NXN: variants seen among roughly 807,000 people sequenced by gnomAD.
NXN encodes nucleoredoxin 1.
A neutral mutation model predicts 48.6 loss-of-function variants in NXN; 16 were observed. That is an observed-to-expected ratio of 0.33 (90% confidence interval 0.22 to 0.50). NXN has a LOEUF of 0.50. Ranked by LOEUF, NXN falls within the 20% of genes least tolerant of loss-of-function variation. The pLI is 0.98. For missense variants in NXN, 492 were observed against 605.5 expected, an observed-to-expected ratio of 0.81 and a Z score of 1.97; for synonymous variants, 281 against 269.6, an observed-to-expected ratio of 1.04 and a Z score of -0.41.
intron 1 of NXN, among the ~76,000 whole-genome samples, chr17:977,199 G>A (rs1199781754): frequency 2.0e-5 from 3 of 152,104 alleles, no homozygotes; most frequent in Non-Finnish European, 4.4e-5. Flanking sequence ...CACGACCAAG[G>A]AAAGAAACTA....
chr17:926,537 TTTTTTTTG>T (rs1370642151), intron 1 of NXN, among the ~76,000 whole-genome samples: 1 of 99,346 alleles, frequency 1.0e-5, no homozygotes, highest in African/African-American at 2.9e-5. Context: ...GTTTTTTGTT[TTTTTTTTG>T]TTTTTTTGTT....
intron 1 of NXN, among the ~76,000 whole-genome samples, chr17:870,797 T>C (rs1253420973): frequency 6.6e-6 from 1 of 151,942 alleles, no homozygotes; most frequent in Non-Finnish European, 1.5e-5. Context: ...ACCCAGTCTT[T>C]CTTTCTGAGC....
rs571009987 is a variant in NXN at position 932,416 on chromosome 17, G to A, written c.360+46903C>T. On this transcript the variant is annotated intron_variant, in intron 1 of 7. Coordinates refer to ENST00000336868, the MANE Select transcript of NXN (RefSeq NM_022463.5). This position sits in a 1 kb window ranked among gnomAD's most constrained non-coding sequence, Gnocchi z 4.1. ...ACTCTGGGATGGGGCCCAGGAATCC[G>A]CATTTAACCAGTCCTTCTGGTTATT... is the stretch of plus-strand genomic sequence containing the variant. Among the ~76,000 whole-genome samples, 17 of 152,102 alleles carry A rather than the reference G, an allele frequency of 1.1e-4. No individual in the cohort carries two copies. In the East Asian group the frequency reaches 2.8e-3, roughly 25 times the overall value.
rs1912693843 is a variant in NXN, at chr17:819,487, T to C, written c.772A>G (p.Thr258Ala). ...SEMPWLAVPY[T>A]DEARRSRLNR... ...AGGCGCGACCGCCGGGCCTCATCCG[T>C]GTAGGGGACGGCGAGCCAGGGCATC... Residue 258 changes from threonine (T) to alanine (A), a missense_variant, in exon 5 of 8, where the codon ACG becomes GCG. By Grantham distance (58) the Thr-to-Ala change is moderately conservative. Around this residue, in one of 3 missense-constraint regions of NXN, gnomAD observed 303 missense variants for 388.3 expected, o/e 0.78. Coordinates refer to ENST00000336868, the MANE Select transcript of NXN (RefSeq NM_022463.5). 5 of 1,613,530 alleles carry C rather than the reference T, an allele frequency of 3.1e-6. No homozygotes were observed. The highest frequency in any genetic ancestry group is 4.2e-6 in the Non-Finnish European group (5 of 1,179,824).
chr17:851,455 A>C (rs943263083), intron 1 of NXN, among the ~76,000 whole-genome samples: 12 of 152,260 alleles, frequency 7.9e-5, no homozygotes, highest in African/African-American at 2.9e-4. Context: ...TCCGCCGGCC[A>C]CAAGAAAGGG....
chr17:915,452 T>C (rs923093176), intron 1 of NXN, among the ~76,000 whole-genome samples: 8 of 151,850 alleles, frequency 5.3e-5, no homozygotes, highest in Non-Finnish European at 1.2e-4. Context: ...CCCAGCTAAT[T>C]TTTGTATTTT....
At chr17:861,042 G>A (rs756382764) in intron 1 of NXN, among the ~76,000 whole-genome samples, 2 of 152,202 alleles carry the variant, frequency 1.3e-5, no homozygotes, top group East Asian at 1.9e-4. Context: ...ACACAGATAC[G>A]GACTGGGGAA....
chr17:936,324 T>C (rs1005188982), intron 1 of NXN, among the ~76,000 whole-genome samples: 8 of 151,882 alleles, frequency 5.3e-5, no homozygotes, highest in Non-Finnish European at 1.0e-4. Flanking sequence ...TCTTCTCCCG[T>C]GGGGTGGAAG....
chr17:815,616 C>T (rs1248244091), intron 5 of NXN, among the ~76,000 whole-genome samples: 1 of 151,354 alleles, frequency 6.6e-6, no homozygotes, highest in Non-Finnish European at 1.5e-5. Context: ...ACTCTAGATC[C>T]CTAAGCTCTG....
chr17:897,505 C>T (rs896062863), intron 1 of NXN, among the ~76,000 whole-genome samples: 29 of 152,086 alleles, frequency 1.9e-4, no homozygotes, highest in African/African-American at 2.2e-4. Flanking sequence ...AGGAAAATGC[C>T]GGGCGGCCTC....
At chr17:972,018 T>C (rs1045229858) in intron 1 of NXN, among the ~76,000 whole-genome samples, 6 of 151,588 alleles carry the variant, frequency 4.0e-5, no homozygotes, top group Non-Finnish European at 7.4e-5. Context: ...ATATAAAAAT[T>C]GGCCAGTCAC....
At chr17:904,048 T>C (rs2068560590) in intron 1 of NXN, among the ~76,000 whole-genome samples, 1 of 152,230 alleles carries the variant, frequency 6.6e-6, no homozygotes, top group African/African-American at 2.4e-5. Context: ...GTCAGACTTG[T>C]AGCATTAACT....
chr17:945,848 C>A lies in NXN; in HGVS notation c.360+33471G>T, dbSNP rs190272058. On this transcript the variant is annotated intron_variant, in intron 1 of 7. Transcript: ENST00000336868. ...TTCTGCCCTTCACAGAAGTGCTGATCGTTCAGAGATAACCCACCAATCAGG... is the reference window on the plus strand; with the variant it reads ...TTCTGCCCTTCACAGAAGTGCTGATAGTTCAGAGATAACCCACCAATCAGG... 2.4e-4 allele frequency among the ~76,000 whole-genome samples: 37 copies of A among 152,256 alleles called. No homozygotes were observed. The East Asian group carries it at 6.4e-3, about 26-fold the overall frequency.
chr17:974,543 G>C (rs543913534), intron 1 of NXN, among the ~76,000 whole-genome samples: 2 of 151,716 alleles, frequency 1.3e-5, no homozygotes, highest in Admixed American at 6.6e-5. Flanking sequence ...ATTATCTCGC[G>C]TAGCCTTTAC....
chr17:827,306 G>A (rs746782975), intron 1 of NXN, among the ~76,000 whole-genome samples: 15 of 145,866 alleles, frequency 1.0e-4, no homozygotes, highest in Non-Finnish European at 1.7e-4. Context: ...GTGAAACCCC[G>A]TCTCTACTAA....
intron 1 of NXN, among the ~76,000 whole-genome samples, chr17:873,096 C>G (rs2068176556): frequency 6.6e-6 from 1 of 152,218 alleles, no homozygotes; most frequent in African/African-American, 2.4e-5. Flanking sequence ...CCTCTGCCTT[C>G]AGACTTGGCG....
chr17:869,028 T>C (rs1298263671), intron 1 of NXN, among the ~76,000 whole-genome samples: 2 of 152,204 alleles, frequency 1.3e-5, no homozygotes, highest in Admixed American at 1.3e-4. Context: ...TTTCTATCAC[T>C]GCAGACGCCA....
rs182989923 is a variant in NXN at position 813,901 on chromosome 17, G to C, written c.820+5538C>G. ...AGATCGCTTGAACCCGGGAGGCAGA[G>C]GTTGCAGTGAGCCAAGATTGTGCCA... On this transcript the variant is annotated intron_variant, in intron 5 of 7. Transcript: ENST00000336868. Among the ~76,000 whole-genome samples, 227 of 150,826 alleles carry C rather than the reference G, an allele frequency of 1.5e-3. 2 individuals carry two copies. Among genetic ancestry groups the C allele is most frequent in the South Asian group, 8.6e-3 (41 of 4,740 alleles).
Position 825,653 on chromosome 17 carries a change from G to A in NXN, c.478+308C>T, listed in dbSNP as rs547688065. Reference sequence around the variant, plus strand: ...CGCCACGGATGCAGCACTAGAGGCCGGGGTCTGAGCTCTCCGCTTTCCCAC... The same window carrying A: ...CGCCACGGATGCAGCACTAGAGGCCAGGGTCTGAGCTCTCCGCTTTCCCAC... On this transcript the variant is annotated intron_variant, in intron 2 of 7. Coordinates refer to ENST00000336868, the MANE Select transcript of NXN (RefSeq NM_022463.5). This position sits in a 1 kb window ranked among gnomAD's most constrained non-coding sequence, Gnocchi z 4.1. 20 of 275,848 alleles carry A rather than the reference G, an allele frequency of 7.3e-5. No individual in the cohort carries two copies. Among genetic ancestry groups the A allele is most frequent in the Non-Finnish European group, 1.0e-4 (15 of 147,034 alleles). 17.1% of individuals were successfully genotyped at this position (275,848 alleles called of 1,614,324 possible).
Sources: allele counts gnomAD v4.1 joint callset (sites outside exome capture counted in the v4.1 genomes callset), GRCh38; gene constraint gnomAD v4.1.1; regional missense constraint gnomAD v4.1.1; non-coding constraint Gnocchi (gnomAD v3.1); transcripts MANE v1.5; gene names NCBI Gene and HGNC (gene_info 2026-07-23, HGNC 2026-07-21).